The following PLEKHA5 variants were observed in gnomAD, a reference collection of about 807,000 sequenced individuals.
The protein encoded by PLEKHA5 is pleckstrin homology domain-containing family A member 5.
Under a neutral mutation model 181.9 loss-of-function variants are expected in PLEKHA5, and 55 were observed. The observed-to-expected ratio is 0.30, with a 90% CI of 0.24 to 0.38. PLEKHA5 has a LOEUF of 0.38. Among genes scored for constraint, PLEKHA5 ranks in the 10% least tolerant of loss-of-function variants. PLEKHA5 has a pLI of 1.00. For synonymous variants in PLEKHA5, 535 were observed against 529.4 expected (o/e 1.01, Z -0.15); for missense variants, 1,432 against 1,549.5 (o/e 0.92, Z 1.27).
intron 13 of PLEKHA5, among the ~76,000 whole-genome samples, chr12:19,288,846 T>G (rs1322993155): frequency 6.6e-6 from 1 of 152,214 alleles, no homozygotes; most frequent in Admixed American, 6.5e-5. Flanking sequence ...TAGCCAAAAT[T>G]TATTTACCAC....
chr12:19,268,591 T>G (rs911333886), intron 8 of PLEKHA5, among the ~76,000 whole-genome samples: 1 of 152,226 alleles, frequency 6.6e-6, no homozygotes, highest in African/African-American at 2.4e-5. Context: ...AAGTAGAAAC[T>G]TTATAGACAA....
Position 19,283,696 on chromosome 12 carries a change from A to G in PLEKHA5, c.1730A>G (p.Gln577Arg). Reference sequence around the variant, plus strand: ...AGATCGGAAGTGTCTTCACCAATTCAGAGAGGAGATGTGACAATAGACCGC... The same window carrying G: ...AGATCGGAAGTGTCTTCACCAATTCGGAGAGGAGATGTGACAATAGACCGC... ...TYRSEVSSPI[Q>R]RGDVTIDRRH... The change falls in exon 12 of 32, where the codon CAG becomes CGG. Residue 577 changes from glutamine (Q) to arginine (R), a missense_variant. Transcript: ENST00000429027. 1.2e-6 allele frequency: 2 copies of G among 1,614,094 alleles called. No homozygotes were observed. The highest frequency in any genetic ancestry group is 1.7e-6 in the Non-Finnish European group (2 of 1,179,984).
intron 7 of PLEKHA5, among the ~76,000 whole-genome samples, chr12:19,265,486 G>C (rs975037417): frequency 1.3e-5 from 2 of 152,158 alleles, no homozygotes. Context: ...CAGAGATGTG[G>C]GTGGGTTAAT....
intron 8 of PLEKHA5, among the ~76,000 whole-genome samples, chr12:19,269,260 G>A (rs1316472828): frequency 6.6e-6 from 1 of 151,958 alleles, no homozygotes; most frequent in Non-Finnish European, 1.5e-5. Context: ...GGTGGCACAT[G>A]CCTGTAATCC....
intron 21 of PLEKHA5, among the ~76,000 whole-genome samples, chr12:19,341,744 TC>T (rs34635382): frequency 0.075 from 11,331 of 151,906 alleles, 464 homozygotes; most frequent in Middle Eastern, 0.11. Flanking sequence ...GCTTTTTTTT[TC>T]CCCCTGTGAC....
In PLEKHA5 at chr12:19,336,580, G is replaced by C. The variant is rs774888025; in HGVS notation, c.2514G>C (p.Gln838His). 5.4e-5 allele frequency: 87 copies of C among 1,606,262 alleles called. No homozygotes were observed. Among genetic ancestry groups the C allele is most frequent in the Non-Finnish European group, 6.0e-5 (70 of 1,173,740 alleles). ...LEYDVTVTRN[Q>H]MQEQLDHLGE... ...ACGATGTAACTGTTACCAGGAACCA[G>C]ATGCAAGAGCAGCTGGATCACCTTG... The change falls in exon 21 of 32, where the codon CAG (glutamine) becomes CAC (histidine). Residue 838 changes from glutamine to histidine, a missense_variant. Transcript: ENST00000429027.
chr12:19,226,534 C>T (rs953736053), intron 3 of PLEKHA5, among the ~76,000 whole-genome samples: 1 of 152,162 alleles, frequency 6.6e-6, no homozygotes, highest in East Asian at 1.9e-4. Flanking sequence ...AGCACCTGCA[C>T]CATTTACATT....
chr12:19,354,375 G>A (rs543592070), intron 26 of PLEKHA5, among the ~76,000 whole-genome samples: 6 of 139,594 alleles, frequency 4.3e-5, no homozygotes, highest in Non-Finnish European at 6.2e-5. Context: ...GGATGGTCTC[G>A]ATCTCCTGAC....
At chr12:19,153,767 G>A in intron 3 of PLEKHA5, 1 of 152,102 alleles carries the variant, frequency 6.6e-6, no homozygotes, top group East Asian at 1.9e-4. Context: ...TGGGTTTGTT[G>A]ATACTTCATT....
intron 3 of PLEKHA5, among the ~76,000 whole-genome samples, chr12:19,229,618 G>A (rs1592136370): frequency 6.6e-6 from 1 of 152,164 alleles, no homozygotes; most frequent in African/African-American, 2.4e-5. Context: ...AGGCAGTGCG[G>A]ACCCAAAGAG....
chr12:19,254,128 A>G (rs992896477), intron 4 of PLEKHA5, 105 bp downstream of exon 4: 22 of 721,276 alleles, frequency 3.1e-5, no homozygotes, highest in Non-Finnish European at 5.3e-5. Flanking sequence ...GGACATTTGT[A>G]GTCAAGTATA....
chr12:19,326,814 C>T (rs193150660), intron 20 of PLEKHA5, among the ~76,000 whole-genome samples: 59 of 152,248 alleles, frequency 3.9e-4, no homozygotes, highest in Non-Finnish European at 4.1e-4. Flanking sequence ...TGAGAACATA[C>T]GGTATTTGGT....
intron 3 of PLEKHA5, among the ~76,000 whole-genome samples, chr12:19,135,436 C>G (rs2035326976): frequency 6.6e-6 from 1 of 151,988 alleles, no homozygotes; most frequent in Admixed American, 6.6e-5. Context: ...TTGTACTGTT[C>G]TGGGATTTAT....
chr12:19,337,280 T>C (rs775115489), intron 21 of PLEKHA5, among the ~76,000 whole-genome samples: 1 of 152,044 alleles, frequency 6.6e-6, no homozygotes, highest in Non-Finnish European at 1.5e-5. Context: ...TGGCCGGGCA[T>C]AGTGGCTCAC....
intron 28 of PLEKHA5, among the ~76,000 whole-genome samples, chr12:19,359,922 C>T (rs962034660): frequency 2.0e-5 from 3 of 151,226 alleles, no homozygotes; most frequent in South Asian, 2.1e-4. Context: ...GCCGAGATCG[C>T]GCCACTACAC....
chr12:19,250,843 G>A (rs1020952501), intron 3 of PLEKHA5, among the ~76,000 whole-genome samples: 1 of 151,970 alleles, frequency 6.6e-6, no homozygotes, highest in Non-Finnish European at 1.5e-5. Context: ...TAGCATGTGT[G>A]TCCCTAAAAA....
intron 3 of PLEKHA5, among the ~76,000 whole-genome samples, chr12:19,205,077 C>A (rs1049330290): frequency 1.3e-5 from 2 of 151,934 alleles, no homozygotes; most frequent in African/African-American, 4.8e-5. Flanking sequence ...TAATCATTTC[C>A]AGTTAAATGA....
At chr12:19,171,409 A>G (rs4763522) in intron 3 of PLEKHA5, among the ~76,000 whole-genome samples, 83,487 of 152,106 alleles carry the variant, frequency 0.55, 26,767 homozygotes, top group Non-Finnish European at 0.74. Flanking sequence ...TAGATTTACC[A>G]AGCTTAAGAA....
intron 3 of PLEKHA5, among the ~76,000 whole-genome samples, chr12:19,177,606 G>A (rs1160839530): frequency 6.6e-6 from 1 of 152,134 alleles, no homozygotes; most frequent in Non-Finnish European, 1.5e-5. Flanking sequence ...TCTTCTTTTG[G>A]TAATGTTGCT....
Sources: gnomAD v4.1 joint callset for allele counts (sites outside exome capture counted in the v4.1 genomes callset) on GRCh38, gnomAD v4.1.1 for gene constraint, MANE v1.5 for transcripts, NCBI Gene and HGNC (gene_info 2026-07-23, HGNC 2026-07-21) for gene names.